The following TMPRSS3 variants were observed in gnomAD, a reference collection of about 807,000 sequenced individuals.
TMPRSS3 encodes the protein transmembrane protease serine 3.
A neutral mutation model predicts 59.6 loss-of-function variants in TMPRSS3; 55 were observed. The observed-to-expected ratio is 0.92, with a 90% CI of 0.74 to 1.16. The LOEUF is 1.16. TMPRSS3 is among the 50% of genes most tolerant of loss of function. The pLI is 0.00. For synonymous variants in TMPRSS3, 257 were observed against 237.7 expected, an observed-to-expected ratio of 1.08 and a Z score of -0.75; for missense variants, 596 against 579.4, an observed-to-expected ratio of 1.03 and a Z score of -0.29.
intron 9 of TMPRSS3, among the ~76,000 whole-genome samples, chr21:42,380,617 G>A (rs1450749899): frequency 6.6e-6 from 1 of 152,220 alleles, no homozygotes; most frequent in Non-Finnish European, 1.5e-5. Context: ...AAACACGATG[G>A]GGCAGACCAG....
rs920276033 is a variant in TMPRSS3 at position 42,383,273 on chromosome 21, C to T, written c.617-75G>A. On this transcript the variant is annotated intron_variant, in intron 7 of 12. Coordinates refer to ENST00000644384, the MANE Select transcript of TMPRSS3 (RefSeq NM_001256317.3). Reference sequence around the variant, plus strand: ...GGGACATGGTGTCACCACCATGCACCTGCTCCTCTCTCCCCACCCTCACTG... The same window carrying T: ...GGGACATGGTGTCACCACCATGCACTTGCTCCTCTCTCCCCACCCTCACTG... 4.3e-5 allele frequency: 65 copies of T among 1,499,942 alleles called. No individual in the cohort carries two copies. In the Admixed American group the frequency reaches 1.1e-3, roughly 26 times the overall value. 92.9% of individuals were successfully genotyped at this position (1,499,942 alleles called of 1,614,324 possible).
chr21:42,388,998 A>T lies in TMPRSS3; in HGVS notation c.253T>A (p.Cys85Ser). The change falls in exon 4 of 13, where the codon TGT (cysteine) becomes AGT (serine). Residue 85 changes from cysteine (C) to serine (S), a missense_variant. Coordinates refer to ENST00000644384, the MANE Select transcript of TMPRSS3 (RefSeq NM_001256317.3). This position sits in a 1 kb window ranked among gnomAD's most constrained non-coding sequence, Gnocchi z 5.1. ...TCACATCGAGCTATCAGCTCGATACACTTAAAGGATGAGCGACATCTGTAC... is the reference window on the plus strand; with the variant it reads ...TCACATCGAGCTATCAGCTCGATACTCTTAAAGGATGAGCGACATCTGTAC... ...GKYRCRSSFK[C>S]IELIARCDGV... 6.2e-7 allele frequency: 1 copy of T among 1,614,214 alleles called. No individual in the cohort carries two copies. The highest frequency in any genetic ancestry group is 8.5e-7 in the Non-Finnish European group (1 of 1,180,040).
Position 42,380,110 on chromosome 21 carries a change from C to T in TMPRSS3, c.1048+7G>A. 2 of 1,612,668 alleles carry T rather than the reference C, an allele frequency of 1.2e-6. No individual in the cohort carries two copies. Among genetic ancestry groups the T allele is most frequent in the Non-Finnish European group, 1.7e-6 (2 of 1,178,844 alleles). On this transcript the variant is annotated splice_region_variant and intron_variant, in intron 10 of 12. Transcript: ENST00000644384. ...TGGACTCCGAATCTTGGCTTCAGCC[C>T]ACTGACCTCCATCCTCTGTGGCCCC...
At chr21:42,384,719 G>A (rs1221335151) in intron 6 of TMPRSS3, among the ~76,000 whole-genome samples, 1 of 152,206 alleles carries the variant, frequency 6.6e-6, no homozygotes, top group Non-Finnish European at 1.5e-5. Flanking sequence ...CCGACGGACA[G>A]ACCAACAAGC....
At chr21:42,383,887 G>T (rs774368272) in intron 7 of TMPRSS3, 83 bp downstream of exon 7, 22 of 1,440,058 alleles carry the variant, frequency 1.5e-5, no homozygotes, top group South Asian at 3.5e-5. Flanking sequence ...GAGCCCCATG[G>T]GGGGAGAGGA....
At chr21:42,381,932 G>A (rs753526746) in intron 9 of TMPRSS3, 133 bp downstream of exon 9, 1 of 1,155,748 alleles carries the variant, frequency 8.7e-7, no homozygotes, top group Admixed American at 1.8e-5. Flanking sequence ...ACACCAACAT[G>A]AATCAGGAGT....
At position 42,388,652 on chromosome 21, in the gene TMPRSS3, C is replaced by T; in HGVS notation, c.323-126G>A. 1.5e-6 allele frequency: 2 copies of T among 1,354,472 alleles called. No homozygotes were observed. Among genetic ancestry groups the T allele is most frequent in the Admixed American group, 1.7e-5 (1 of 57,372 alleles). The allele number at this position is 1,354,472 out of a possible 1,614,324, so 83.9% of individuals were successfully genotyped here. ...AATCTGACCCACTTCTTGTCCACGGCAGCCTCCCCATCACAGAGCAGTGAC... is the reference window on the plus strand; with the variant it reads ...AATCTGACCCACTTCTTGTCCACGGTAGCCTCCCCATCACAGAGCAGTGAC... On this transcript the variant is annotated intron_variant, in intron 4 of 12. Transcript: ENST00000644384. The surrounding 1 kb of genome is among the most constrained non-coding windows in gnomAD (Gnocchi z 5.1).
At chr21:42,372,898 G>T in intron 12 of TMPRSS3, 119 bp from the exon 13 acceptor site, 1 of 1,281,600 alleles carries the variant, frequency 7.8e-7, no homozygotes, top group Non-Finnish European at 1.1e-6. Flanking sequence ...TCTCCACGAT[G>T]AAGACAAGGT....
intron 5 of TMPRSS3, among the ~76,000 whole-genome samples, chr21:42,386,741 A>T (rs2052639608): frequency 6.6e-6 from 1 of 152,076 alleles, no homozygotes. Context: ...CTACACTGGG[A>T]TTTGAACCCA....
At chr21:42,383,703 T>C (rs1278052559) in intron 7 of TMPRSS3, 2 of 672,730 alleles carry the variant, frequency 3.0e-6, no homozygotes, top group Non-Finnish European at 5.6e-6. Context: ...GACTCAAGGC[T>C]CTTCAGAGTG....
At chr21:42,395,178 T>C (rs532876061) in intron 2 of TMPRSS3, 146 bp downstream of exon 2, 2 of 733,546 alleles carry the variant, frequency 2.7e-6, no homozygotes, top group East Asian at 2.7e-5. Context: ...CCTGAGATTC[T>C]GCAGATCTAG....
intron 5 of TMPRSS3, among the ~76,000 whole-genome samples, chr21:42,387,216 G>A (rs558525882): frequency 2.6e-5 from 4 of 152,226 alleles, no homozygotes; most frequent in Admixed American, 6.5e-5. Context: ...AGAGGCCTTG[G>A]GGTTTGCTCA....
intron 8 of TMPRSS3, 56 bp from the exon 9 acceptor site, chr21:42,382,290 T>A: frequency 6.6e-7 from 1 of 1,506,672 alleles, no homozygotes; most frequent in African/African-American, 1.4e-5. Flanking sequence ...ACTGAACTCA[T>A]TGACCTCAGG....
rs546111801 is a variant in TMPRSS3, at chr21:42,377,144, C to T, written c.1049-461G>A. Among the ~76,000 whole-genome samples, 7 of 152,374 alleles carry T rather than the reference C, an allele frequency of 4.6e-5. No individual in the cohort carries two copies. In the South Asian group the frequency reaches 1.2e-3, roughly 27 times the overall value. On this transcript the variant is annotated intron_variant, in intron 10 of 12. Transcript: ENST00000644384. ...CCAAAGACATTCTCACCCCAATCCC[C>T]AGAACCTGTGACTGTGTCACCTTAC...
At position 42,389,889 on chromosome 21, in the gene TMPRSS3, G is replaced by A. The variant is rs190396578; in HGVS notation, c.205+38C>T. The A allele has an allele frequency of 1.3e-4, 190 of 1,476,798 alleles. No homozygotes were observed. The East Asian group carries it at 4.2e-3, about 32-fold the overall frequency. The allele number at this position is 1,476,798 out of a possible 1,614,324, so 91.5% of individuals were successfully genotyped here. A position where few individuals can be genotyped will look rare whatever the true frequency, so the allele number is the denominator to read the frequency against. ...TCATGAAAGTTTAACTACTTGGCTA[G>A]GTATTTGAGATCCTACTAAATAATG... On this transcript the variant is annotated intron_variant, in intron 3 of 12. Transcript: ENST00000644384.
Position 42,389,366 on chromosome 21 carries a change from G to A in TMPRSS3, c.206-321C>T, listed in dbSNP as rs1601532283. 2.0e-5 allele frequency among the ~76,000 whole-genome samples: 3 copies of A among 152,214 alleles called. No homozygotes were observed. In the East Asian group the frequency reaches 5.8e-4, roughly 29 times the overall value. On this transcript the variant is annotated intron_variant, in intron 3 of 12. Transcript: ENST00000644384. ...CCGACCTGCTGAGCCAGCCGAGCAA[G>A]GAGTCCTGACTGAGAACTGCTCGGC...
intron 2 of TMPRSS3, 159 bp from the exon 3 acceptor site, chr21:42,390,196 G>C (rs1235637853): frequency 1.5e-6 from 1 of 675,436 alleles, no homozygotes; most frequent in East Asian, 2.8e-5. Flanking sequence ...CCACCAAGGG[G>C]CACATTCTCT....
chr21:42,374,326 C>A (rs755815920), intron 12 of TMPRSS3, among the ~76,000 whole-genome samples: 5 of 152,248 alleles, frequency 3.3e-5, no homozygotes, highest in Non-Finnish European at 2.9e-5. Flanking sequence ...CTCAGGGCTG[C>A]AGGGCGGCAG....
chr21:42,376,489 C>T (rs2052430057), intron 11 of TMPRSS3, 52 bp downstream of exon 11: 1 of 1,609,570 alleles, frequency 6.2e-7, no homozygotes, highest in Admixed American at 1.7e-5. Context: ...ACGACCTGTC[C>T]CAAGGGCTGG....
Sources: allele counts gnomAD v4.1 joint callset (sites outside exome capture counted in the v4.1 genomes callset), GRCh38; gene constraint gnomAD v4.1.1; non-coding constraint Gnocchi (gnomAD v3.1); transcripts MANE v1.5; gene names NCBI Gene and HGNC (gene_info 2026-07-23, HGNC 2026-07-21).